The following TMEM184A variants were observed in gnomAD, a reference collection of about 807,000 sequenced individuals.
The protein encoded by TMEM184A is transmembrane protein 184A.
Under a neutral mutation model 39.5 loss-of-function variants are expected in TMEM184A, and 40 were observed. The ratio of observed to expected loss-of-function variants is 1.01; its 90% CI spans 0.79 to 1.32. The LOEUF (loss-of-function observed/expected upper bound fraction) is 1.32, where lower values mean the gene tolerates loss of function less well. Ranked by LOEUF, TMEM184A falls within the 40% of genes most tolerant of loss-of-function variation. The pLI is 0.00. For synonymous variants in TMEM184A, 280 were observed against 252.3 expected (o/e 1.11, Z -1.04); for missense variants, 603 against 568.8 (o/e 1.06, Z -0.61).
In TMEM184A at chr7:1,544,551, G is replaced by T. The variant is rs10273578; in HGVS notation, c.*2401C>A. 0.039 allele frequency: 5,892 copies of T among 152,460 alleles called. 359 individuals are homozygous for T. The highest frequency in any genetic ancestry group is 0.13 in the African/African-American group (5,260 of 41,554). The allele number at this position is 152,460 out of a possible 1,614,324, so 9.4% of individuals were successfully genotyped here. The stretch of plus-strand genomic sequence containing the variant: ...AACCACGCTAGTCTCCGTCCCTCCC[G>T]CTCACATGCGCCCACGCTCCCCCTC... On this transcript the variant is annotated 3_prime_UTR_variant, in exon 9 of 9. Transcript: ENST00000297477.
chr7:1,551,808 G>A (rs538702249), intron 2 of TMEM184A, among the ~76,000 whole-genome samples: 16 of 152,046 alleles, frequency 1.1e-4, no homozygotes, highest in South Asian at 6.3e-4. Context: ...ATGGTGGCGC[G>A]CGCCTGTAAT....
chr7:1,547,614 A>G lies in TMEM184A; in HGVS notation c.1012+128T>C, dbSNP rs1271828574. ...AGCCCAGGTGCCTGTCCGGAGCCGGATGCCCTTTGCCCGTCTCCCTGCCCA... is the reference window on the plus strand; with the variant it reads ...AGCCCAGGTGCCTGTCCGGAGCCGGGTGCCCTTTGCCCGTCTCCCTGCCCA... On this transcript the variant is annotated intron_variant, in intron 8 of 8. Coordinates refer to ENST00000297477, the MANE Select transcript of TMEM184A (RefSeq NM_001097620.2). 5 of 986,764 alleles carry G rather than the reference A, an allele frequency of 5.1e-6. No homozygotes were observed. The African/African-American group carries it at 8.0e-5, about 16-fold the overall frequency. The allele number at this position is 986,764 out of a possible 1,614,324, so 61.1% of individuals were successfully genotyped here.
At position 1,549,838 on chromosome 7, in the gene TMEM184A, G is replaced by A. The variant is rs774417275; in HGVS notation, c.644+16C>T. ...TGCCCACCTCATGCCAGGTGTCCCCGCAGCTCCCGCCTTACTTGAAGTCCC... is the reference window on the plus strand; with the variant it reads ...TGCCCACCTCATGCCAGGTGTCCCCACAGCTCCCGCCTTACTTGAAGTCCC... On this transcript the variant is annotated intron_variant, in intron 6 of 8. Coordinates refer to ENST00000297477, the MANE Select transcript of TMEM184A (RefSeq NM_001097620.2). The A allele has an allele frequency of 8.9e-6, 14 of 1,579,466 alleles. No individual in the cohort carries two copies. Among genetic ancestry groups the A allele is most frequent in the Middle Eastern group, 1.7e-4 (1 of 5,884 alleles).
Position 1,555,416 on chromosome 7 carries a change from G to C in TMEM184A, c.69C>G (p.Pro23=). The C allele has an allele frequency of 6.2e-7, 1 of 1,611,824 alleles. No individual in the cohort carries two copies. Among genetic ancestry groups the C allele is most frequent in the East Asian group, 2.2e-5 (1 of 44,854 alleles). The change falls in exon 2 of 9, where the codon CCC becomes CCG. Residue 23 remains proline (P), a synonymous_variant. Coordinates refer to ENST00000297477, the MANE Select transcript of TMEM184A (RefSeq NM_001097620.2). This position sits in a 1 kb window ranked among gnomAD's most constrained non-coding sequence, Gnocchi z 5.2. ...CAGCTGGCACAGCCGGTGGGGGGCTGGGCTGCGGCCAGTTCGCTGACACCA... is the reference window on the plus strand; with the variant it reads ...CAGCTGGCACAGCCGGTGGGGGGCTCGGCTGCGGCCAGTTCGCTGACACCA... ...VPLVSANWPQ[P]SPPPAVPAGP... is the part of the protein sequence containing the mutation.
rs1426785062 is a variant in TMEM184A, at chr7:1,547,844, A to T, written c.910T>A (p.Tyr304Asn). 1.2e-6 allele frequency: 2 copies of T among 1,610,168 alleles called. No individual in the cohort carries two copies. Among genetic ancestry groups the T allele is most frequent in the East Asian group, 4.5e-5 (2 of 44,792 alleles). Reference protein sequence around the residue: ...KLGAGTLAAGYQNFIICVEML... With the variant: ...KLGAGTLAAGNQNFIICVEML... ...TCCACGCAGATGATGAAGTTCTGGT[A>T]GCCGGCGGCCAGCGTGCCAGCCCCC... Residue 304 changes from tyrosine (Y) to asparagine (N), a missense_variant, in exon 8 of 9, where the codon TAC becomes AAC. Coordinates refer to ENST00000297477, the MANE Select transcript of TMEM184A (RefSeq NM_001097620.2).
Position 1,542,796 on chromosome 7 carries a change from C to G in TMEM184A, c.*4156G>C, listed in dbSNP as rs1018483897. ...TTCCAGGGCGTGGGGACCCCGGCCC[C>G]CTATGCCGCCACGCCGCCACACCGC... On this transcript the variant is annotated 3_prime_UTR_variant, in exon 9 of 9. Coordinates refer to ENST00000297477, the MANE Select transcript of TMEM184A (RefSeq NM_001097620.2). The G allele has an allele frequency of 2.0e-5, 3 of 152,650 alleles. No homozygotes were observed. Among genetic ancestry groups the G allele is most frequent in the Non-Finnish European group, 4.4e-5 (3 of 68,048 alleles). The allele number at this position is 152,650 out of a possible 1,614,324, so 9.5% of individuals were successfully genotyped here. A position where few individuals can be genotyped will look rare whatever the true frequency, so the allele number is the denominator to read the frequency against.
Position 1,550,415 on chromosome 7 carries a change from G to A in TMEM184A, c.386-20C>T. On this transcript the variant is annotated intron_variant, in intron 3 of 8. Transcript: ENST00000297477. Reference sequence around the variant, plus strand: ...CAAAGGCTGCAGGGAGCACAGAGGGGGACCGGCTGTGAGCCCTGAGCTGCA... The same window carrying A: ...CAAAGGCTGCAGGGAGCACAGAGGGAGACCGGCTGTGAGCCCTGAGCTGCA... The A allele has an allele frequency of 1.3e-6, 2 of 1,596,560 alleles. No homozygotes were observed. The highest frequency in any genetic ancestry group is 1.7e-6 in the Non-Finnish European group (2 of 1,169,418).
Position 1,547,181 on chromosome 7 carries a change from G to T in TMEM184A, c.1013C>A (p.Ala338Asp). Residue 338 changes from alanine to aspartate, a missense_variant and splice_region_variant, in exon 9 of 9, where the codon GCC becomes GAC. Coordinates refer to ENST00000297477, the MANE Select transcript of TMEM184A (RefSeq NM_001097620.2). ...GATGCTCTGCATGGGTGCCGGGGGG[G>T]CTGGGGGAGGGCAGTGTATGAGCCC... ...VYAEKKENSP[A>D]PPAPMQSISS... 1.3e-6 allele frequency: 2 copies of T among 1,572,066 alleles called. No individual in the cohort carries two copies. The highest frequency in any genetic ancestry group is 1.7e-6 in the Non-Finnish European group (2 of 1,154,178).
intron 3 of TMEM184A, 65 bp from the exon 4 acceptor site, chr7:1,550,460 A>G: frequency 7.2e-7 from 1 of 1,384,044 alleles, no homozygotes; most frequent in Non-Finnish European, 1.0e-6. Context: ...CATGGCGCCC[A>G]TCTCACCAGG....
At chr7:1,550,080 G>A (rs551457957) in intron 5 of TMEM184A, 43 bp downstream of exon 5, 10 of 1,580,704 alleles carry the variant, frequency 6.3e-6, no homozygotes, top group Non-Finnish European at 7.7e-6. Flanking sequence ...CCCCTGACGG[G>A]CTTGGGTGGG....
rs1345906060 is a variant in TMEM184A, at chr7:1,547,760, TCTC to T, written c.991_993del (p.Glu331del). The stretch of plus-strand genomic sequence containing the variant: ...GGTGTACCTGGTGAATTCTCCTTCT[TCTC>T]TGCGTACACCTGGCAGGGGAAGGCA... On this transcript the variant is annotated inframe_deletion, in exon 8 of 9. Transcript: ENST00000297477. The T allele has an allele frequency of 2.5e-6, 4 of 1,612,478 alleles. No homozygotes were observed. Among genetic ancestry groups the T allele is most frequent in the Admixed American group, 3.3e-5 (2 of 59,958 alleles).
chr7:1,549,535 C>T (rs189977854), intron 6 of TMEM184A: 67 of 507,782 alleles, frequency 1.3e-4, no homozygotes, highest in African/African-American at 8.5e-4. Context: ...CTGGCACAGA[C>T]GCTAGACTCA....
chr7:1,550,416 G>T lies in TMEM184A; in HGVS notation c.386-21C>A, dbSNP rs530159700. 3.1e-5 allele frequency: 49 copies of T among 1,589,528 alleles called. No individual in the cohort carries two copies. The African/African-American group carries it at 5.6e-4, about 18-fold the overall frequency. On this transcript the variant is annotated intron_variant, in intron 3 of 8. Transcript: ENST00000297477. ...AAAGGCTGCAGGGAGCACAGAGGGG[G>T]ACCGGCTGTGAGCCCTGAGCTGCAC...
intron 8 of TMEM184A, 85 bp from the exon 9 acceptor site, chr7:1,547,266 G>A (rs1393738536): frequency 3.8e-6 from 3 of 783,172 alleles, no homozygotes; most frequent in South Asian, 3.4e-5. Context: ...GCCCAGGGCT[G>A]TAGCTCCTGC....
At position 1,547,906 on chromosome 7, in the gene TMEM184A, A is replaced by AC. The variant is rs772100082; in HGVS notation, c.847dup (p.Val283GlyfsTer141). The stretch of plus-strand genomic sequence containing the variant: ...GCCGCTGGTCTCCACCTCCGGGATG[A>AC]CCCCGCACCGCTCCAGGATGGCCAG... On this transcript the variant is annotated frameshift_variant, in exon 8 of 9. Transcript: ENST00000297477. LOFTEE classifies it high-confidence loss of function. 3 of 1,587,688 alleles carry AC rather than the reference A, an allele frequency of 1.9e-6. No individual in the cohort carries two copies. The African/African-American group carries it at 4.0e-5, about 21-fold the overall frequency.
chr7:1,548,036 T>C (rs2128554315), intron 7 of TMEM184A, 97 bp from the exon 8 acceptor site: 1 of 1,351,824 alleles, frequency 7.4e-7, no homozygotes, highest in Non-Finnish European at 1.0e-6. Flanking sequence ...ACGGGTGCTG[T>C]GACCCCGTCC....
In TMEM184A at chr7:1,546,798, T is replaced by C. The variant is rs1233264920; in HGVS notation, c.*154A>G. ...CCATCAGGTGCCCTGACCCCCTGGC[T>C]GGAGGGAGGATGGGAAGTGGGCTCC... is the stretch of plus-strand genomic sequence containing the variant. On this transcript the variant is annotated 3_prime_UTR_variant, in exon 9 of 9. Transcript: ENST00000297477. 3.5e-6 allele frequency: 2 copies of C among 573,332 alleles called. No individual in the cohort carries two copies. Among genetic ancestry groups the C allele is most frequent in the Non-Finnish European group, 5.9e-6 (2 of 336,326 alleles). The allele number at this position is 573,332 out of a possible 1,614,324, so 35.5% of individuals were successfully genotyped here.
rs1400889533 is a variant in TMEM184A, at chr7:1,543,098, A to G, written c.*3854T>C. The G allele has an allele frequency of 1.0e-5, 1 of 99,420 alleles. No homozygotes were observed. The highest frequency in any genetic ancestry group is 2.0e-5 in the Non-Finnish European group (1 of 49,082). The allele number at this position is 99,420 out of a possible 1,614,324, so 6.2% of individuals were successfully genotyped here. A position where few individuals can be genotyped will look rare whatever the true frequency, so the allele number is the denominator to read the frequency against. On this transcript the variant is annotated 3_prime_UTR_variant, in exon 9 of 9. Transcript: ENST00000297477. ...CTGGGGCTTTCTTGGGCCAAGAACC[A>G]CACCCCCCCCCCAATCCCAGGGGAC...
intron 2 of TMEM184A, among the ~76,000 whole-genome samples, chr7:1,551,573 ATATAAG>A (rs1244865357): frequency 6.6e-6 from 1 of 152,260 alleles, no homozygotes; most frequent in Non-Finnish European, 1.5e-5. Flanking sequence ...ATAGAAGTAC[ATATAAG>A]TATGAATGTA....
Sources: gnomAD v4.1 joint callset for allele counts (sites outside exome capture counted in the v4.1 genomes callset) on GRCh38, gnomAD v4.1.1 for gene constraint, Gnocchi (gnomAD v3.1) non-coding constraint, MANE v1.5 for transcripts, NCBI Gene and HGNC (gene_info 2026-07-23, HGNC 2026-07-21) for gene names.